Variants in PPM1H observed in about 807,000 individuals in gnomAD.
PPM1H encodes the protein protein phosphatase 1H.
A neutral mutation model predicts 54.9 loss-of-function variants in PPM1H; 27 were observed. The ratio of observed to expected loss-of-function variants is 0.49; its 90% CI spans 0.36 to 0.68. PPM1H has a LOEUF of 0.68. PPM1H is among the 30% of genes least tolerant of loss of function. The pLI is 0.00. For synonymous variants in PPM1H, 305 were observed against 270.8 expected, an observed-to-expected ratio of 1.13 and a Z score of -1.24; for missense variants, 596 against 667.8, an observed-to-expected ratio of 0.89 and a Z score of 1.19.
At chr12:62,930,349 A>G (rs1250286692) in intron 1 of PPM1H, among the ~76,000 whole-genome samples, 1 of 152,216 alleles carries the variant, frequency 6.6e-6, no homozygotes. Context: ...TAGGAAAAAA[A>G]ATTTATAGTT....
chr12:62,770,823 G>A (rs11174637), intron 4 of PPM1H, among the ~76,000 whole-genome samples: 3,094 of 152,234 alleles, frequency 0.02, 101 homozygotes, highest in African/African-American at 0.071. Flanking sequence ...AGTAGGGAAA[G>A]CGTTCCCACT....
At chr12:62,881,463 G>GA (rs540947690) in intron 1 of PPM1H, among the ~76,000 whole-genome samples, 57 of 152,216 alleles carry the variant, frequency 3.7e-4, no homozygotes, top group African/African-American at 1.3e-3. Flanking sequence ...GGAAGAAAAA[G>GA]AAAGAGAAAG....
intron 5 of PPM1H, among the ~76,000 whole-genome samples, chr12:62,725,781 T>A (rs1266821627): frequency 6.6e-6 from 1 of 152,178 alleles, no homozygotes; most frequent in Non-Finnish European, 1.5e-5. Context: ...AGATGACATG[T>A]CATGCCTGTC....
At chr12:62,684,607 C>G (rs1176708497) in intron 8 of PPM1H, among the ~76,000 whole-genome samples, 1 of 152,134 alleles carries the variant, frequency 6.6e-6, no homozygotes, top group Non-Finnish European at 1.5e-5. Context: ...AGAATTCAAA[C>G]ACATTCCACC....
intron 1 of PPM1H, among the ~76,000 whole-genome samples, chr12:62,875,094 G>A (rs1870113372): frequency 1.3e-5 from 2 of 152,126 alleles, no homozygotes; most frequent in African/African-American, 4.8e-5. Context: ...GCATTAGTAG[G>A]ACCCTCTTTT....
intron 4 of PPM1H, chr12:62,755,523 T>C: frequency 3.0e-6 from 2 of 664,338 alleles, no homozygotes; most frequent in Non-Finnish European, 5.5e-6. Flanking sequence ...AATCCACCGG[T>C]GTCTTCACCA....
chr12:62,887,784 T>C (rs1351226595), intron 1 of PPM1H, among the ~76,000 whole-genome samples: 1 of 152,082 alleles, frequency 6.6e-6, no homozygotes. Context: ...AAAGAGCACA[T>C]CTGAACTCAG....
chr12:62,731,611 T>C (rs1350028725), intron 5 of PPM1H, among the ~76,000 whole-genome samples: 1 of 152,098 alleles, frequency 6.6e-6, no homozygotes, highest in Non-Finnish European at 1.5e-5. Flanking sequence ...TTGCAAGAAA[T>C]CACCTCAGAT....
intron 8 of PPM1H, among the ~76,000 whole-genome samples, chr12:62,686,951 G>A (rs901850198): frequency 1.3e-5 from 2 of 152,160 alleles, no homozygotes; most frequent in Non-Finnish European, 2.9e-5. Context: ...CCCATAAAGG[G>A]TACTGAAGTG....
intron 2 of PPM1H, among the ~76,000 whole-genome samples, chr12:62,820,058 G>A (rs2076893185): frequency 6.6e-6 from 1 of 152,228 alleles, no homozygotes; most frequent in South Asian, 2.1e-4. Flanking sequence ...GGAAAATCAG[G>A]ACACTCCCGC....
intron 6 of PPM1H, among the ~76,000 whole-genome samples, chr12:62,712,672 G>A (rs1346532291): frequency 6.6e-6 from 1 of 152,212 alleles, no homozygotes; most frequent in African/African-American, 2.4e-5. Context: ...CAAGAGTCAA[G>A]CTGTTCAAAA....
Position 62,648,641 on chromosome 12 carries a change from A to G in PPM1H, c.1398-5T>C, listed in dbSNP as rs78348779. ...TCCTGAGCTGCCAGTGTGTACCTAC[A>G]CAGGAGAACCAGGAACGAGACAGTC... is the stretch of plus-strand genomic sequence containing the variant. On this transcript the variant is annotated splice_polypyrimidine_tract_variant and splice_region_variant and intron_variant, in intron 9 of 9. Coordinates refer to ENST00000228705, the MANE Select transcript of PPM1H (RefSeq NM_020700.2). 84,860 of 1,613,424 alleles carry G rather than the reference A, an allele frequency of 0.053. 2,415 individuals are homozygous for G. Among genetic ancestry groups the G allele is most frequent in the Middle Eastern group, 0.063 (370 of 5,910 alleles).
In PPM1H at chr12:62,654,217, CAAAAAAAAA is replaced by C. The variant is rs57812590; in HGVS notation, c.1398-5590_1398-5582del. ...TGGGTGACAGAGAGAGACTCTTTCT[CAAAAAAAAA>C]AAAAAAAAAAAAAAAGCAACACCTG... On this transcript the variant is annotated intron_variant, in intron 9 of 9. Coordinates refer to ENST00000228705, the MANE Select transcript of PPM1H (RefSeq NM_020700.2). Among the ~76,000 whole-genome samples the C allele has an allele frequency of 1.5e-3, 98 of 65,460 alleles. 1 individual carries two copies. In the East Asian group the frequency reaches 0.034, roughly 23 times the overall value. The allele number at this position is 65,460 out of a possible 152,430, so 42.9% of individuals were successfully genotyped here.
At chr12:62,683,055 TTATTATTATTA>T (rs1252394138) in intron 8 of PPM1H, among the ~76,000 whole-genome samples, 1 of 140,564 alleles carries the variant, frequency 7.1e-6, no homozygotes, top group East Asian at 2.0e-4. Flanking sequence ...ATTATTATTA[TTATTATTATTA>T]TTATTATTAT....
chr12:62,869,967 G>A (rs1869921684), intron 1 of PPM1H, among the ~76,000 whole-genome samples: 2 of 152,108 alleles, frequency 1.3e-5, no homozygotes, highest in Non-Finnish European at 2.9e-5. Context: ...TCATCGAGGA[G>A]CAGGACCATG....
chr12:62,881,780 C>T (rs984738688), intron 1 of PPM1H, among the ~76,000 whole-genome samples: 12 of 152,194 alleles, frequency 7.9e-5, no homozygotes, highest in Non-Finnish European at 1.5e-4. Flanking sequence ...TCTCCAGAAA[C>T]AGGGTCAATG....
chr12:62,863,174 C>T (rs1015775840), intron 1 of PPM1H, among the ~76,000 whole-genome samples: 3 of 152,040 alleles, frequency 2.0e-5, no homozygotes, highest in Admixed American at 1.3e-4. Context: ...GTGCGTGCCA[C>T]TACACCTGGC....
chr12:62,685,383 C>T (rs765712110), intron 8 of PPM1H, among the ~76,000 whole-genome samples: 6 of 152,156 alleles, frequency 3.9e-5, no homozygotes, highest in African/African-American at 1.2e-4. Context: ...GTACTTGGTA[C>T]GTCCCTAAAC....
intron 2 of PPM1H, among the ~76,000 whole-genome samples, chr12:62,826,233 T>C (rs1226792664): frequency 2.0e-5 from 3 of 152,192 alleles, no homozygotes; most frequent in Non-Finnish European, 2.9e-5. Flanking sequence ...GCAGATCCCC[T>C]GAGGTCAGAA....
Sources: allele counts gnomAD v4.1 joint callset (sites outside exome capture counted in the v4.1 genomes callset), GRCh38; gene constraint gnomAD v4.1.1; transcripts MANE v1.5; gene names NCBI Gene and HGNC (gene_info 2026-07-23, HGNC 2026-07-21).